PARD3B: variants seen among roughly 807,000 people sequenced by gnomAD.
The protein encoded by PARD3B is partitioning defective 3 homolog B.
A neutral mutation model predicts 130.2 loss-of-function variants in PARD3B; 103 were observed. The ratio of observed to expected loss-of-function variants is 0.79; its 90% confidence interval spans 0.67 to 0.93. The LOEUF is 0.93. Among genes scored for constraint, PARD3B ranks in the 40% least tolerant of loss-of-function variants. The pLI is 0.00. For missense variants in PARD3B, 1,609 were observed against 1,499.2 expected, an observed-to-expected ratio of 1.07 and a Z score of -1.21; for synonymous variants, 583 against 553.2, an observed-to-expected ratio of 1.05 and a Z score of -0.76.
intron 1 of PARD3B, among the ~76,000 whole-genome samples, chr2:204,629,619 A>G (rs1055486162): frequency 1.3e-5 from 2 of 151,864 alleles, no homozygotes; most frequent in African/African-American, 4.8e-5. Flanking sequence ...TATAGTAACC[A>G]TAGTAGCAGC....
chr2:205,440,536 A>G lies in PARD3B; in HGVS notation c.2908A>G (p.Arg970Gly), dbSNP rs571694192. 3.1e-6 allele frequency: 5 copies of G among 1,614,100 alleles called. No homozygotes were observed. The African/African-American group carries it at 6.7e-5, about 22-fold the overall frequency. ...ACCATGCACATCAGCAAATGTCTTT[A>G]GATCTCCATCTCCCCCTCGAGCTGG... The part of the protein sequence containing the change: ...REPCTSANVF[R>G]SPSPPRAGPF... The change falls in exon 20 of 23, where the codon AGA becomes GGA. Residue 970 changes from arginine (R) to glycine (G), a missense_variant. By Grantham distance (125) the Arg-to-Gly change is moderately radical. Transcript: ENST00000406610. This position sits in a 1 kb window ranked among gnomAD's most constrained non-coding sequence, Gnocchi z 4.2.
intron 2 of PARD3B, among the ~76,000 whole-genome samples, chr2:204,734,869 A>C (rs966101908): frequency 1.3e-5 from 2 of 152,042 alleles, no homozygotes; most frequent in African/African-American, 2.4e-5. Flanking sequence ...TACCACTGAA[A>C]TGGGTGCATT....
In PARD3B at chr2:204,654,341, A is replaced by G. The variant is rs772169977; in HGVS notation, c.121-31840A>G. Among the ~76,000 whole-genome samples the G allele has an allele frequency of 2.6e-5, 4 of 151,308 alleles. 1 individual carries two copies. Among genetic ancestry groups the G allele is most frequent in the African/African-American group, 4.9e-5 (2 of 40,590 alleles). ...TAGTTTCTAATTTTGATGTGGAACC[A>G]TAAACATGAGGATTTATTCCTAGTA... is the stretch of plus-strand genomic sequence containing the variant. On this transcript the variant is annotated intron_variant, in intron 1 of 22. Coordinates refer to ENST00000406610, the MANE Select transcript of PARD3B (RefSeq NM_001302769.2).
intron 19 of PARD3B, among the ~76,000 whole-genome samples, chr2:205,408,041 A>G (rs910809414): frequency 1.3e-5 from 2 of 152,212 alleles, no homozygotes; most frequent in Non-Finnish European, 2.9e-5. Context: ...GTTTTCAACA[A>G]CTAGCCTGAA....
chr2:204,800,949 C>G (rs551720555), intron 2 of PARD3B, among the ~76,000 whole-genome samples: 1 of 152,140 alleles, frequency 6.6e-6, no homozygotes, highest in Non-Finnish European at 1.5e-5. Flanking sequence ...GTTTTCCCAA[C>G]AGTATTTATT....
chr2:205,046,133 T>G (rs1202219408), intron 3 of PARD3B, among the ~76,000 whole-genome samples: 1 of 152,140 alleles, frequency 6.6e-6, no homozygotes, highest in Admixed American at 6.5e-5. Context: ...ATTGAGGGGC[T>G]TAATCTGAAA....
rs149526263 is a variant in PARD3B, at chr2:204,695,230, C to G, written c.222+8948C>G. ...TTTGAAGCTATTTGTATAGGCATAT[C>G]TTTGGCCTAGGGGTATGGGACCATT... On this transcript the variant is annotated intron_variant, in intron 2 of 22. Transcript: ENST00000406610. Among the ~76,000 whole-genome samples, 188 of 152,024 alleles carry G rather than the reference C, an allele frequency of 1.2e-3. 1 individual carries two copies. The highest frequency in any genetic ancestry group is 4.4e-3 in the African/African-American group (183 of 41,478).
chr2:205,389,358 T>A (rs1030276032), intron 18 of PARD3B, among the ~76,000 whole-genome samples: 2 of 152,174 alleles, frequency 1.3e-5, no homozygotes, highest in Non-Finnish European at 2.9e-5. Context: ...GTATTATTAT[T>A]ATTTTATTAT....
intron 11 of PARD3B, among the ~76,000 whole-genome samples, chr2:205,165,027 C>G (rs1293209808): frequency 6.6e-6 from 1 of 152,082 alleles, no homozygotes; most frequent in African/African-American, 2.4e-5. Context: ...TGCATAAAAA[C>G]CACCACCAAG....
chr2:204,557,572 T>G (rs2031012155), intron 1 of PARD3B, among the ~76,000 whole-genome samples: 1 of 152,124 alleles, frequency 6.6e-6, no homozygotes, highest in South Asian at 2.1e-4. Context: ...TATAAATGCT[T>G]GCTAAACTTT....
chr2:205,061,883 G>T (rs1017569748), intron 4 of PARD3B, among the ~76,000 whole-genome samples: 2 of 151,370 alleles, frequency 1.3e-5, no homozygotes, highest in Non-Finnish European at 2.9e-5. Context: ...TTCTTCTCTT[G>T]ATATGAAATG....
rs114654829 is a variant in PARD3B, at chr2:205,246,811, G to A, written c.2185+989G>A. On this transcript the variant is annotated intron_variant, in intron 16 of 22. Transcript: ENST00000406610. ...TCTCTTGTGATAACAGCAGGGAAGG[G>A]CTGGTTCACAACTCTTAGATTTTTT... is the stretch of plus-strand genomic sequence containing the variant. Among the ~76,000 whole-genome samples, 590 of 152,224 alleles carry A rather than the reference G, an allele frequency of 3.9e-3. 6 individuals are homozygous for A. The highest frequency in any genetic ancestry group is 0.014 in the African/African-American group (562 of 41,532).
At chr2:205,499,316 T>TAAAAAAAAAAAAAAAAAAAA (rs35087383) in intron 20 of PARD3B, among the ~76,000 whole-genome samples, 1 of 145,416 alleles carries the variant, frequency 6.9e-6, no homozygotes. Flanking sequence ...TCCCCCACCT[T>TAAAAAAAAAAAAAAAAAAAA]AAAAAAAAAA....
At chr2:205,066,787 ATAAC>A (rs759304562) in intron 4 of PARD3B, among the ~76,000 whole-genome samples, 112 of 152,144 alleles carry the variant, frequency 7.4e-4, no homozygotes, top group Non-Finnish European at 1.2e-3. Flanking sequence ...AATCATCTAA[ATAAC>A]TGATGACTTA....
At chr2:204,960,553 AT>A (rs1013851003) in intron 2 of PARD3B, among the ~76,000 whole-genome samples, 43 of 148,738 alleles carry the variant, frequency 2.9e-4, no homozygotes, top group African/African-American at 1.1e-3. Flanking sequence ...CATTCATTTA[AT>A]TTTTTAAAAA....
At position 205,550,608 on chromosome 2, in the gene PARD3B, A is replaced by T. The variant is rs2052573811; in HGVS notation, c.3181-2716A>T. On this transcript the variant is annotated intron_variant, in intron 21 of 22. Coordinates refer to ENST00000406610, the MANE Select transcript of PARD3B (RefSeq NM_001302769.2). This position sits in a 1 kb window ranked among gnomAD's most constrained non-coding sequence, Gnocchi z 4.5. ...AACATCCTGAATGGCACTTGAAAAT[A>T]CATTATCCTATTTCATTCTTTGGTT... 6.6e-6 allele frequency among the ~76,000 whole-genome samples: 1 copy of T among 152,132 alleles called. No homozygotes were observed.
At chr2:205,033,586 T>C (rs2125367894) in intron 3 of PARD3B, among the ~76,000 whole-genome samples, 1 of 152,258 alleles carries the variant, frequency 6.6e-6, no homozygotes, top group African/African-American at 2.4e-5. Flanking sequence ...TGCAAGGGTG[T>C]CCATCTCTAG....
At chr2:205,600,876 TACC>T (rs1236800808) in intron 22 of PARD3B, among the ~76,000 whole-genome samples, 3 of 152,244 alleles carry the variant, frequency 2.0e-5, no homozygotes, top group East Asian at 1.9e-4. Flanking sequence ...GGTGTATATG[TACC>T]ACATTTTCTT....
At chr2:204,589,345 A>G (rs2032975999) in intron 1 of PARD3B, among the ~76,000 whole-genome samples, 1 of 152,074 alleles carries the variant, frequency 6.6e-6, no homozygotes, top group African/African-American at 2.4e-5. Context: ...TGAGGCTGGT[A>G]GTAATAAGAT....
Sources: allele counts gnomAD v4.1 joint callset (sites outside exome capture counted in the v4.1 genomes callset), GRCh38; gene constraint gnomAD v4.1.1; non-coding constraint Gnocchi (gnomAD v3.1); transcripts MANE v1.5; gene names NCBI Gene and HGNC (gene_info 2026-07-23, HGNC 2026-07-21).